Variants in ALG14 observed in about 807,000 individuals in gnomAD.
ALG14 encodes the protein ALG14 UDP-N-acetylglucosaminyltransferase subunit.
In ALG14, 17 loss-of-function variants were observed where a neutral mutation model predicts 22.8. The observed-to-expected ratio is 0.75, with a 90% confidence interval of 0.51 to 1.12. ALG14 has a LOEUF of 1.12. Among genes scored for constraint, ALG14 ranks in the 50% most tolerant of loss-of-function variants. The pLI is 0.00. For synonymous variants in ALG14, 89 were observed against 103.7 expected, an observed-to-expected ratio of 0.86 and a Z score of 0.86; for missense variants, 288 against 271.8, an observed-to-expected ratio of 1.06 and a Z score of -0.42.
At chr1:95,004,836 C>T (rs1455769343) in intron 3 of ALG14, among the ~76,000 whole-genome samples, 3 of 146,348 alleles carry the variant, frequency 2.0e-5, no homozygotes, top group Non-Finnish European at 3.0e-5. Flanking sequence ...GACAGAATCT[C>T]GCTCTGTTGC....
chr1:95,072,627 G>T, intron 1 of ALG14, 136 bp downstream of exon 1: 1 of 1,320,248 alleles, frequency 7.6e-7, no homozygotes, highest in Non-Finnish European at 1.0e-6. Context: ...GCCCGGTTCC[G>T]GCAAGGCAGA....
intron 3 of ALG14, among the ~76,000 whole-genome samples, chr1:94,986,315 A>G (rs939194456): frequency 2.0e-5 from 3 of 152,230 alleles, no homozygotes; most frequent in African/African-American, 7.2e-5. Context: ...GCAGCCATTC[A>G]CTAAATTTTG....
intron 2 of ALG14, among the ~76,000 whole-genome samples, chr1:95,048,204 CT>C (rs1674623683): frequency 6.6e-6 from 1 of 152,158 alleles, no homozygotes; most frequent in East Asian, 1.9e-4. Flanking sequence ...CATAAGCCTA[CT>C]TACAGAGTAG....
At chr1:94,996,680 T>C (rs113175376) in intron 3 of ALG14, among the ~76,000 whole-genome samples, 3,962 of 151,260 alleles carry the variant, frequency 0.026, 61 homozygotes, top group Non-Finnish European at 0.04. Context: ...TAACACTTTA[T>C]TTTTATTTTT....
intron 2 of ALG14, among the ~76,000 whole-genome samples, chr1:95,041,201 T>C (rs1674366391): frequency 6.6e-6 from 1 of 152,192 alleles, no homozygotes; most frequent in African/African-American, 2.4e-5. Flanking sequence ...TTAGAGATTT[T>C]TTTTTACCTT....
At chr1:95,018,484 C>T (rs560949683) in intron 3 of ALG14, among the ~76,000 whole-genome samples, 8 of 151,836 alleles carry the variant, frequency 5.3e-5, no homozygotes, top group South Asian at 2.1e-4. Flanking sequence ...TGCAGTAAGC[C>T]GAGCTCATGT....
intron 3 of ALG14, among the ~76,000 whole-genome samples, chr1:94,996,273 T>A (rs1197553553): frequency 1.3e-5 from 2 of 151,872 alleles, no homozygotes; most frequent in East Asian, 3.9e-4. Flanking sequence ...ACACTGGAGA[T>A]TGGGGACCTC....
At chr1:95,011,686 A>G (rs1673367816) in intron 3 of ALG14, among the ~76,000 whole-genome samples, 1 of 152,024 alleles carries the variant, frequency 6.6e-6, no homozygotes, top group African/African-American at 2.4e-5. Context: ...AAGTGCTGGG[A>G]TTACAGGTGT....
intron 3 of ALG14, among the ~76,000 whole-genome samples, chr1:94,985,387 A>G (rs1415801460): frequency 1.3e-5 from 2 of 152,210 alleles, no homozygotes; most frequent in Non-Finnish European, 2.9e-5. Context: ...CTCTACCCAC[A>G]AGATTCCAGT....
At chr1:95,045,191 T>C (rs1251506533) in intron 2 of ALG14, among the ~76,000 whole-genome samples, 3 of 152,200 alleles carry the variant, frequency 2.0e-5, no homozygotes, top group African/African-American at 7.2e-5. Context: ...TATTACTTGA[T>C]AGTCTTTTGT....
rs189075694 is a variant in ALG14 at position 94,992,828 on chromosome 1, C to G, written c.421-9522G>C. Reference sequence around the variant, plus strand: ...AAGCAAATGTAACACAGGGGAAATGCTATCTGCTGGGGAGATTAAATAAGA... The same window carrying G: ...AAGCAAATGTAACACAGGGGAAATGGTATCTGCTGGGGAGATTAAATAAGA... On this transcript the variant is annotated intron_variant, in intron 3 of 3. Transcript: ENST00000370205. Among the ~76,000 whole-genome samples, 494 of 152,046 alleles carry G rather than the reference C, an allele frequency of 3.2e-3. 1 individual carries two copies. The highest frequency in any genetic ancestry group is 0.011 in the African/African-American group (475 of 41,490).
intron 2 of ALG14, among the ~76,000 whole-genome samples, chr1:95,037,473 T>C (rs1461192440): frequency 6.6e-6 from 1 of 152,106 alleles, no homozygotes; most frequent in East Asian, 1.9e-4. Context: ...GTGCTACAGG[T>C]TTTTGTTACC....
chr1:95,055,993 A>T (rs538940866), intron 2 of ALG14, among the ~76,000 whole-genome samples: 1 of 148,458 alleles, frequency 6.7e-6, no homozygotes, highest in Non-Finnish European at 1.5e-5. Context: ...TGGGCTACAG[A>T]GTGAGACTCT....
chr1:95,038,716 GTTTTTTTT>G (rs71097229), intron 2 of ALG14, among the ~76,000 whole-genome samples: 2 of 121,488 alleles, frequency 1.6e-5, no homozygotes, highest in African/African-American at 6.4e-5. Flanking sequence ...AAACTATAAG[GTTTTTTTT>G]TTTTTTTTTT....
At chr1:95,008,870 C>T (rs1276636588) in intron 3 of ALG14, among the ~76,000 whole-genome samples, 1 of 152,074 alleles carries the variant, frequency 6.6e-6, no homozygotes. Context: ...TGCTTTCTGT[C>T]TCTGTGAATT....
chr1:94,985,160 T>C (rs1672610290), intron 3 of ALG14, among the ~76,000 whole-genome samples: 1 of 152,100 alleles, frequency 6.6e-6, no homozygotes, highest in South Asian at 2.1e-4. Context: ...TACTAGAAAA[T>C]GGGTAGGCTG....
chr1:95,020,712 T>C (rs140573887), intron 3 of ALG14, among the ~76,000 whole-genome samples: 2,843 of 144,592 alleles, frequency 0.02, 45 homozygotes, highest in Non-Finnish European at 0.029. Context: ...CACTCCAGCC[T>C]GGGCAACAAG....
At position 94,982,385 on chromosome 1, in the gene ALG14, C is replaced by G. The variant is rs1288370540; in HGVS notation, c.*691G>C. 6.6e-6 allele frequency: 1 copy of G among 152,132 alleles called. No homozygotes were observed. The highest frequency in any genetic ancestry group is 1.9e-4 in the East Asian group (1 of 5,184). 9.4% of individuals were successfully genotyped at this position (152,132 alleles called of 1,614,324 possible). A position where few individuals can be genotyped will look rare whatever the true frequency, so the allele number is the denominator to read the frequency against. On this transcript the variant is annotated 3_prime_UTR_variant, in exon 4 of 4. Transcript: ENST00000370205. Reference sequence around the variant, plus strand: ...CAGTGATCCACCCGCCTTAGCCTCCCAAGGTGCTGGGATTACAGGTGTGAG... The same window carrying G: ...CAGTGATCCACCCGCCTTAGCCTCCGAAGGTGCTGGGATTACAGGTGTGAG...
At chr1:95,070,597 G>A (rs1675527378) in intron 1 of ALG14, among the ~76,000 whole-genome samples, 1 of 152,144 alleles carries the variant, frequency 6.6e-6, no homozygotes, top group Non-Finnish European at 1.5e-5. Context: ...TTGCTCCCCA[G>A]ACACCCAATC....
Sources: allele counts gnomAD v4.1 joint callset (sites outside exome capture counted in the v4.1 genomes callset), GRCh38; gene constraint gnomAD v4.1.1; transcripts MANE v1.5; gene names NCBI Gene and HGNC (gene_info 2026-07-23, HGNC 2026-07-21).